AGBL4: variants seen among roughly 807,000 people sequenced by gnomAD.
AGBL4 encodes the protein cytosolic carboxypeptidase 6.
AGBL4 carries 58 observed loss-of-function variants against 66.4 expected under a neutral mutation model. The ratio of observed to expected loss-of-function variants is 0.87; its 90% CI spans 0.71 to 1.09. The LOEUF (loss-of-function observed/expected upper bound fraction) is 1.09. Among genes scored for constraint, AGBL4 ranks in the 50% least tolerant of loss-of-function variants. AGBL4 has a pLI of 0.00. For missense variants in AGBL4, 579 were observed against 631.0 expected (o/e 0.92, Z 0.88); for synonymous variants, 234 against 222.9 (o/e 1.05, Z -0.44).
At position 49,310,393 on chromosome 1, in the gene AGBL4, C is replaced by T. The variant is rs1395691473; in HGVS notation, c.283-64529G>A. Among the ~76,000 whole-genome samples the T allele has an allele frequency of 2.0e-5, 3 of 151,950 alleles. No individual in the cohort carries two copies. The East Asian group carries it at 5.8e-4, about 29-fold the overall frequency. On this transcript the variant is annotated intron_variant, in intron 3 of 13. Transcript: ENST00000371839. ...AGAAAGATCACTTGTGTGGTGGTTC[C>T]GGTAATCCAGTGATGGTGGTTTGGA...
chr1:49,268,432 A>ACACG (rs1643977165), intron 3 of AGBL4, among the ~76,000 whole-genome samples: 1 of 149,614 alleles, frequency 6.7e-6, no homozygotes, highest in African/African-American at 2.5e-5. Flanking sequence ...ACACACACAC[A>ACACG]CACACACACA....
At chr1:49,246,467 AC>A (rs1557763619) in intron 3 of AGBL4, among the ~76,000 whole-genome samples, 1 of 151,816 alleles carries the variant, frequency 6.6e-6, no homozygotes, top group African/African-American at 2.4e-5. Context: ...CCTCTTTCGT[AC>A]CCTCTTTGTT....
chr1:48,777,342 G>A (rs1645150034), intron 6 of AGBL4, among the ~76,000 whole-genome samples: 1 of 151,930 alleles, frequency 6.6e-6, no homozygotes, highest in African/African-American at 2.4e-5. Flanking sequence ...TAGGGGTGGG[G>A]GCAATCTTGA....
intron 1 of AGBL4, among the ~76,000 whole-genome samples, chr1:49,967,227 G>T (rs1657638269): frequency 6.6e-6 from 1 of 152,072 alleles, no homozygotes; most frequent in Non-Finnish European, 1.5e-5. Flanking sequence ...ATCTCACTGT[G>T]GTTTTGATTT....
intron 3 of AGBL4, among the ~76,000 whole-genome samples, chr1:49,492,734 C>T (rs781013158): frequency 3.3e-5 from 5 of 151,868 alleles, no homozygotes; most frequent in East Asian, 1.9e-4. Flanking sequence ...CTCTATTTCC[C>T]GGCCAATTAG....
chr1:49,152,050 G>A (rs570107611), intron 4 of AGBL4, among the ~76,000 whole-genome samples: 1 of 151,572 alleles, frequency 6.6e-6, no homozygotes, highest in Non-Finnish European at 1.5e-5. Context: ...ACAGCATATA[G>A]TATGTCAAGT....
Position 48,539,640 on chromosome 1 carries a change from AC to A in AGBL4, c.1364+1del. 1 of 1,534,624 alleles carries A rather than the reference AC, an allele frequency of 6.5e-7. No individual in the cohort carries two copies. The highest frequency in any genetic ancestry group is 1.2e-5 in the South Asian group (1 of 82,096). On this transcript the variant is annotated splice_donor_variant, in intron 12 of 13. Coordinates refer to ENST00000371839, the MANE Select transcript of AGBL4 (RefSeq NM_032785.4). LOFTEE classifies it high-confidence loss of function. ...CCGAAACCTCTCTGCTCTGCCACTTACCGCAGTCTCGGCATGGGAATTGCCA... is the reference window on the plus strand; with the variant it reads ...CCGAAACCTCTCTGCTCTGCCACTTACGCAGTCTCGGCATGGGAATTGCCA...
chr1:49,087,429 A>G (rs180985253), intron 4 of AGBL4, among the ~76,000 whole-genome samples: 47 of 152,366 alleles, frequency 3.1e-4, no homozygotes, highest in African/African-American at 1.1e-3. Context: ...AACTCACTTC[A>G]GAATTTCATA....
At chr1:49,320,288 A>G (rs537631570) in intron 3 of AGBL4, among the ~76,000 whole-genome samples, 3 of 152,232 alleles carry the variant, frequency 2.0e-5, no homozygotes, top group South Asian at 4.2e-4. Context: ...ACCATAGCAC[A>G]TATGCTGACA....
rs1649156328 is a variant in AGBL4, at chr1:48,736,957, C to G, written c.635-73716G>C. Among the ~76,000 whole-genome samples the G allele has an allele frequency of 6.6e-6, 1 of 152,114 alleles. No individual in the cohort carries two copies. The highest frequency in any genetic ancestry group is 2.4e-5 in the African/African-American group (1 of 41,422). Reference sequence around the variant, plus strand: ...CTAGTATGGTGGTTCTCAACCTTGGCTGCACACAGGGGTCACCTAGGGAGC... The same window carrying G: ...CTAGTATGGTGGTTCTCAACCTTGGGTGCACACAGGGGTCACCTAGGGAGC... On this transcript the variant is annotated intron_variant, in intron 6 of 13. Coordinates refer to ENST00000371839, the MANE Select transcript of AGBL4 (RefSeq NM_032785.4). This position sits in a 1 kb window ranked among gnomAD's most constrained non-coding sequence, Gnocchi z 4.0.
chr1:48,751,839 C>T (rs1651788451), intron 6 of AGBL4, among the ~76,000 whole-genome samples: 1 of 152,124 alleles, frequency 6.6e-6, no homozygotes, highest in African/African-American at 2.4e-5. Context: ...CCCAGGAAAA[C>T]GGAGTCTAGG....
chr1:49,552,220 G>C (rs575641223), intron 3 of AGBL4, among the ~76,000 whole-genome samples: 1 of 152,130 alleles, frequency 6.6e-6, no homozygotes, highest in Non-Finnish European at 1.5e-5. Flanking sequence ...CTTACCCCAA[G>C]CTACCTGTCT....
At chr1:48,827,351 T>C (rs1646448244) in intron 6 of AGBL4, among the ~76,000 whole-genome samples, 1 of 152,210 alleles carries the variant, frequency 6.6e-6, no homozygotes, top group Admixed American at 6.5e-5. Flanking sequence ...CAAAATGGCA[T>C]GGCAAGCACT....
At chr1:49,291,169 T>C (rs770213540) in intron 3 of AGBL4, among the ~76,000 whole-genome samples, 1 of 152,214 alleles carries the variant, frequency 6.6e-6, no homozygotes, top group African/African-American at 2.4e-5. Flanking sequence ...TGTATATTTA[T>C]CAAAATAATA....
intron 1 of AGBL4, among the ~76,000 whole-genome samples, chr1:49,897,436 T>C (rs1038690645): frequency 6.6e-6 from 1 of 151,616 alleles, no homozygotes; most frequent in African/African-American, 2.4e-5. Flanking sequence ...CTATAAAAAA[T>C]TGATTTAAAA....
rs1648290823 is a variant in AGBL4 at position 49,207,542 on chromosome 1, T to TTTTCTTTCCTTC, written c.377+38227_377+38228insGAAGGAAAGAAA. On this transcript the variant is annotated intron_variant, in intron 4 of 13. Coordinates refer to ENST00000371839, the MANE Select transcript of AGBL4 (RefSeq NM_032785.4). ...TTCTTTCTCTCTTTCTTTTTCTTTCTTTTCTTTCTTTCTTTCTTTCTTTCT... is the reference window on the plus strand; with the variant it reads ...TTCTTTCTCTCTTTCTTTTTCTTTCTTTTCTTTCCTTCTTTCTTTCTTTCTTTCTTTCTTTCT... Among the ~76,000 whole-genome samples, 4 of 78,030 alleles carry TTTTCTTTCCTTC rather than the reference T, an allele frequency of 5.1e-5. No individual in the cohort carries two copies. In the South Asian group the frequency reaches 1.9e-3, roughly 36 times the overall value. The allele number at this position is 78,030 out of a possible 152,430, so 51.2% of individuals were successfully genotyped here.
At chr1:49,414,161 G>A (rs1014589776) in intron 3 of AGBL4, among the ~76,000 whole-genome samples, 7 of 152,086 alleles carry the variant, frequency 4.6e-5, no homozygotes, top group South Asian at 2.1e-4. Context: ...GTATACATAC[G>A]TATATATTTA....
At chr1:49,013,572 C>T (rs1662605405) in intron 5 of AGBL4, among the ~76,000 whole-genome samples, 1 of 152,216 alleles carries the variant, frequency 6.6e-6, no homozygotes, top group Non-Finnish European at 1.5e-5. Context: ...CCAGAAGAGG[C>T]TTCTCTGAGT....
chr1:49,597,682 A>C (rs1440565480), intron 3 of AGBL4, among the ~76,000 whole-genome samples: 2 of 152,208 alleles, frequency 1.3e-5, no homozygotes, highest in African/African-American at 4.8e-5. Flanking sequence ...GAGTGGCATT[A>C]CCTGTCCTCA....
Sources: allele counts gnomAD v4.1 joint callset (sites outside exome capture counted in the v4.1 genomes callset), GRCh38; gene constraint gnomAD v4.1.1; non-coding constraint Gnocchi (gnomAD v3.1); transcripts MANE v1.5; gene names NCBI Gene and HGNC (gene_info 2026-07-23, HGNC 2026-07-21).